Variants in XKR4 observed in about 807,000 individuals in gnomAD.
The protein encoded by XKR4 is XK related 4.
A neutral mutation model predicts 53.9 loss-of-function variants in XKR4; 12 were observed. The observed-to-expected ratio is 0.22, with a 90% CI of 0.14 to 0.36. The LOEUF is 0.36. XKR4 is among the 10% of genes least tolerant of loss of function. The pLI is 1.00. For missense variants in XKR4, 799 were observed against 859.5 expected (o/e 0.93, Z 0.88); for synonymous variants, 354 against 362.4 (o/e 0.98, Z 0.26).
chr8:55,439,042 C>T (rs562127496), intron 2 of XKR4, among the ~76,000 whole-genome samples: 40 of 152,242 alleles, frequency 2.6e-4, no homozygotes, highest in African/African-American at 9.4e-4. Flanking sequence ...GCATAGGGAC[C>T]TTGCGTAATT....
intron 1 of XKR4, among the ~76,000 whole-genome samples, chr8:55,296,787 T>C (rs760662295): frequency 3.3e-5 from 5 of 152,122 alleles, no homozygotes; most frequent in Non-Finnish European, 7.4e-5. Context: ...TGAGATAAAG[T>C]TGGCAATTTT....
chr8:55,259,070 T>C (rs1238907459), intron 1 of XKR4, among the ~76,000 whole-genome samples: 1 of 152,230 alleles, frequency 6.6e-6, no homozygotes, highest in African/African-American at 2.4e-5. Context: ...TGCCTGGGAC[T>C]CTTTAAGCCA....
intron 1 of XKR4, among the ~76,000 whole-genome samples, chr8:55,235,762 G>T (rs1585957562): frequency 1.3e-5 from 2 of 152,282 alleles, no homozygotes; most frequent in South Asian, 4.1e-4. Flanking sequence ...AGCCAAACCA[G>T]TGCCCAGCCT....
intron 1 of XKR4, among the ~76,000 whole-genome samples, chr8:55,139,826 C>A (rs1017055150): frequency 1.3e-5 from 2 of 152,042 alleles, no homozygotes; most frequent in East Asian, 3.9e-4. Context: ...GTATGCCTGG[C>A]AGAGAGTATT....
intron 1 of XKR4, among the ~76,000 whole-genome samples, chr8:55,124,002 G>A (rs1816427686): frequency 6.6e-6 from 1 of 152,148 alleles, no homozygotes; most frequent in South Asian, 2.1e-4. Context: ...GCAATCCCAT[G>A]AGATCTACTT....
intron 2 of XKR4, among the ~76,000 whole-genome samples, chr8:55,494,013 C>A (rs933023735): frequency 2.0e-5 from 3 of 152,260 alleles, no homozygotes; most frequent in African/African-American, 7.2e-5. Flanking sequence ...TCCCACTGGG[C>A]TCATTCTGCC....
At chr8:55,363,188 G>T (rs928467351) in intron 2 of XKR4, among the ~76,000 whole-genome samples, 3 of 152,142 alleles carry the variant, frequency 2.0e-5, no homozygotes, top group African/African-American at 7.2e-5. Flanking sequence ...CACCCTAAGT[G>T]TATTTAGCTG....
At chr8:55,191,210 C>G (rs1817440387) in intron 1 of XKR4, among the ~76,000 whole-genome samples, 1 of 152,172 alleles carries the variant, frequency 6.6e-6, no homozygotes, top group Non-Finnish European at 1.5e-5. Flanking sequence ...CCACCTCCTC[C>G]TCCAGCCATC....
Position 55,450,539 on chromosome 8 carries a change from A to G in XKR4, c.1007-72742A>G, listed in dbSNP as rs936425954. The G allele has an allele frequency of 1.6e-5, 11 of 671,194 alleles. No individual in the cohort carries two copies. In the Admixed American group the frequency reaches 2.0e-4, roughly 12 times the overall value. The allele number at this position is 671,194 out of a possible 1,614,324, so 41.6% of individuals were successfully genotyped here. ...GTCAGAGTCCAGTAGGAAGGTCTAG[A>G]AACAGCGGGACACGTGGTGGTAGCC... On this transcript the variant is annotated intron_variant, in intron 2 of 2. Coordinates refer to ENST00000327381, the MANE Select transcript of XKR4 (RefSeq NM_052898.2).
At chr8:55,483,502 A>G (rs1481315274) in intron 2 of XKR4, among the ~76,000 whole-genome samples, 1 of 152,132 alleles carries the variant, frequency 6.6e-6, no homozygotes, top group Non-Finnish European at 1.5e-5. Context: ...TTGAGCCAAG[A>G]TATGAAGGAT....
intron 2 of XKR4, chr8:55,452,697 T>A: frequency 1.5e-6 from 2 of 1,328,722 alleles, no homozygotes; most frequent in Non-Finnish European, 2.2e-6. Flanking sequence ...CACAAAGCGG[T>A]TGATGAAGTG....
At chr8:55,156,828 T>G (rs1207986417) in intron 1 of XKR4, among the ~76,000 whole-genome samples, 1 of 152,198 alleles carries the variant, frequency 6.6e-6, no homozygotes, top group Non-Finnish European at 1.5e-5. Context: ...GCATGTAAGG[T>G]TCACCTGTAG....
chr8:55,326,345 TG>T (rs1233250459), intron 1 of XKR4, among the ~76,000 whole-genome samples: 3 of 152,192 alleles, frequency 2.0e-5, no homozygotes, highest in Non-Finnish European at 4.4e-5. Context: ...TCAGTGTTGT[TG>T]TTTTATCTTG....
At chr8:55,410,434 C>A (rs556054370) in intron 2 of XKR4, among the ~76,000 whole-genome samples, 2 of 152,326 alleles carry the variant, frequency 1.3e-5, no homozygotes, top group East Asian at 3.9e-4. Flanking sequence ...TGTACAAGAA[C>A]TAAGTCTATA....
intron 2 of XKR4, chr8:55,449,533 G>A: frequency 6.8e-7 from 1 of 1,478,416 alleles, no homozygotes. Flanking sequence ...GTCAGCTCTG[G>A]ATCCGGTCCA....
At chr8:55,447,727 T>G (rs1805368066) in intron 2 of XKR4, among the ~76,000 whole-genome samples, 1 of 152,186 alleles carries the variant, frequency 6.6e-6, no homozygotes, top group East Asian at 1.9e-4. Flanking sequence ...AGGCAAGACA[T>G]TTTTTCTTGA....
intron 1 of XKR4, among the ~76,000 whole-genome samples, chr8:55,207,503 T>A (rs965826694): frequency 1.3e-5 from 2 of 152,166 alleles, no homozygotes; most frequent in African/African-American, 4.8e-5. Flanking sequence ...CCCCATTACA[T>A]TTTCAGTTCT....
chr8:55,537,648 T>C lies in XKR4; in HGVS notation c.*13421T>C, dbSNP rs563071711. 7.9e-5 allele frequency: 12 copies of C among 152,348 alleles called. No homozygotes were observed. The highest frequency in any genetic ancestry group is 2.9e-4 in the African/African-American group (12 of 41,586). The allele number at this position is 152,348 out of a possible 1,614,324, so 9.4% of individuals were successfully genotyped here. On this transcript the variant is annotated 3_prime_UTR_variant, in exon 3 of 3. Transcript: ENST00000327381. The stretch of plus-strand genomic sequence containing the variant: ...TGATTGTGTCACATTCTACACTCAG[T>C]GCCAAGTTAGAATGTCTTTATGGGG...
chr8:55,161,674 G>A, intron 1 of XKR4: 1 of 454,734 alleles, frequency 2.2e-6, no homozygotes, highest in South Asian at 1.6e-5. Context: ...GTGTTTAGAA[G>A]TACCTGGTAC....
Sources: gnomAD v4.1 joint callset for allele counts (sites outside exome capture counted in the v4.1 genomes callset) on GRCh38, gnomAD v4.1.1 for gene constraint, MANE v1.5 for transcripts, NCBI Gene and HGNC (gene_info 2026-07-23, HGNC 2026-07-21) for gene names.